The following JAK1 variants were observed in gnomAD, a reference collection of about 807,000 sequenced individuals.
The protein encoded by JAK1 is tyrosine-protein kinase JAK1.
Under a neutral mutation model 136.6 loss-of-function variants are expected in JAK1, and 16 were observed. The ratio of observed to expected loss-of-function variants is 0.12; its 90% CI spans 0.08 to 0.18. JAK1 has a LOEUF of 0.18. JAK1 is among the 10% of genes least tolerant of loss of function. The probability of loss-of-function intolerance (pLI) is 1.00; values close to 1 mark genes in which losing one functional copy is unlikely to be tolerated. For missense variants in JAK1, 859 were observed against 1,450.1 expected (o/e 0.59, Z 6.62); for synonymous variants, 492 against 519.5 (o/e 0.95, Z 0.72).
intron 1 of JAK1, among the ~76,000 whole-genome samples, chr1:64,899,327 T>C (rs933671413): frequency 1.3e-5 from 2 of 152,238 alleles, no homozygotes; most frequent in African/African-American, 4.8e-5. Context: ...GTCAGTAAAG[T>C]TGGTGTTATA....
intron 2 of JAK1, among the ~76,000 whole-genome samples, chr1:64,998,915 T>C (rs1277883868): frequency 6.6e-6 from 1 of 152,230 alleles, no homozygotes; most frequent in Non-Finnish European, 1.5e-5. Flanking sequence ...ATCAGCCACG[T>C]GAAAATGGAC....
chr1:64,917,675 G>C (rs536825592), intron 1 of JAK1, among the ~76,000 whole-genome samples: 2 of 152,250 alleles, frequency 1.3e-5, no homozygotes, highest in Admixed American at 1.3e-4. Flanking sequence ...TTCCCCTGCT[G>C]TGTCCTGCTG....
chr1:64,878,911 C>A, intron 4 of JAK1, 114 bp downstream of exon 4: 2 of 1,028,384 alleles, frequency 1.9e-6, no homozygotes, highest in Admixed American at 3.3e-5. Flanking sequence ...ACAAAAGTTA[C>A]AAATTACAAA....
At chr1:64,916,693 C>T (rs1312630674) in intron 1 of JAK1, among the ~76,000 whole-genome samples, 1 of 151,836 alleles carries the variant, frequency 6.6e-6, no homozygotes, top group African/African-American at 2.4e-5. Flanking sequence ...CAAAAATTAG[C>T]CAGGTGTGGT....
At chr1:64,924,684 C>T (rs1042575907) in intron 1 of JAK1, among the ~76,000 whole-genome samples, 3 of 152,188 alleles carry the variant, frequency 2.0e-5, no homozygotes, top group African/African-American at 7.2e-5. Context: ...AACAGAAAAA[C>T]AGAATCAGTA....
chr1:65,024,473 C>T (rs1482573822), intron 2 of JAK1, among the ~76,000 whole-genome samples: 1 of 151,766 alleles, frequency 6.6e-6, no homozygotes, highest in Non-Finnish European at 1.5e-5. Context: ...TTGTTGAGTC[C>T]TAATTGATTC....
chr1:64,947,237 T>A (rs565433943), intron 1 of JAK1, among the ~76,000 whole-genome samples: 53 of 151,452 alleles, frequency 3.5e-4, no homozygotes, highest in East Asian at 4.1e-4. Context: ...TTAAAAAAAA[T>A]TTTTTAACTG....
chr1:64,920,360 C>T (rs1334906570), intron 1 of JAK1, among the ~76,000 whole-genome samples: 1 of 151,892 alleles, frequency 6.6e-6, no homozygotes, highest in Admixed American at 6.6e-5. Flanking sequence ...GGCAACATGG[C>T]GAGACCTCAT....
intron 2 of JAK1, among the ~76,000 whole-genome samples, chr1:65,042,474 T>C (rs74406362): frequency 1.3e-5 from 2 of 151,816 alleles, no homozygotes; most frequent in African/African-American, 4.8e-5. Flanking sequence ...CAGTTGCTCA[T>C]ACACAAAAAG....
intron 1 of JAK1, among the ~76,000 whole-genome samples, chr1:65,053,030 CAAAAAAAAAAAA>C (rs780968006): frequency 1.6e-4 from 7 of 43,716 alleles, no homozygotes; most frequent in African/African-American, 6.0e-4. Context: ...ACTCTTGTCT[CAAAAAAAAAAAA>C]AAAAAAAAAA....
intron 1 of JAK1, among the ~76,000 whole-genome samples, chr1:64,901,431 G>A (rs1645103569): frequency 6.6e-6 from 1 of 152,118 alleles, no homozygotes; most frequent in Non-Finnish European, 1.5e-5. Flanking sequence ...CTTTCTAATG[G>A]AACACCATGC....
In JAK1 at chr1:64,837,849, C is replaced by T. The variant is rs144803233; in HGVS notation, c.3140+83G>A. 4.9e-4 allele frequency: 586 copies of T among 1,183,976 alleles called. 1 individual carries two copies. The highest frequency in any genetic ancestry group is 6.4e-4 in the Non-Finnish European group (532 of 829,818). 73.3% of individuals were successfully genotyped at this position (1,183,976 alleles called of 1,614,324 possible). A position where few individuals can be genotyped will look rare whatever the true frequency, so the allele number is the denominator to read the frequency against. On this transcript the variant is annotated intron_variant, in intron 22 of 24. Transcript: ENST00000342505. ...TGAGTCAGGCCAGAGGAATGAGACA[C>T]ATTAATATAGCCAGAAAGGGCCTAT...
Position 64,984,612 on chromosome 1 carries a change from A to G in JAK1, c.-78+59868T>C. On this transcript the variant is annotated intron_variant, in intron 2 of 25. Coordinates refer to the JAK1 transcript ENST00000671954. This position sits in a 1 kb window ranked among gnomAD's most constrained non-coding sequence, Gnocchi z 4.1. ...AGGTTGAAGGAGGCATGATTTAGAC[A>G]TTGGTGGTGGTCTCCTTAGCAGGCT... is the stretch of plus-strand genomic sequence containing the variant. 2.3e-6 allele frequency: 1 copy of G among 439,730 alleles called. No homozygotes were observed. The highest frequency in any genetic ancestry group is 2.6e-5 in the South Asian group (1 of 39,150). 27.2% of individuals were successfully genotyped at this position (439,730 alleles called of 1,614,324 possible). A position where few individuals can be genotyped will look rare whatever the true frequency, so the allele number is the denominator to read the frequency against.
At chr1:64,936,895 G>T (rs777515029) in intron 1 of JAK1, among the ~76,000 whole-genome samples, 14 of 151,978 alleles carry the variant, frequency 9.2e-5, no homozygotes, top group Non-Finnish European at 1.8e-4. Context: ...GCCAATATTT[G>T]ACCATTTTTA....
chr1:64,841,686 C>T, intron 17 of JAK1, 85 bp from the exon 18 acceptor site: 1 of 1,377,242 alleles, frequency 7.3e-7, no homozygotes, highest in South Asian at 1.2e-5. Context: ...TTGCCAATTC[C>T]TCATTCGATT....
chr1:65,035,329 ATTCTT>A (rs1647063619), intron 2 of JAK1, among the ~76,000 whole-genome samples: 1 of 152,156 alleles, frequency 6.6e-6, no homozygotes, highest in African/African-American at 2.4e-5. Flanking sequence ...TAGTCAGAGA[ATTCTT>A]CTCTTCCTTC....
intron 22 of JAK1, among the ~76,000 whole-genome samples, chr1:64,836,981 A>T (rs1024265305): frequency 2.6e-5 from 4 of 152,112 alleles, no homozygotes. Context: ...CTATTCCATG[A>T]TCTGACCTCA....
chr1:64,928,782 A>AAAAAAAAC (rs1557699342), intron 1 of JAK1, among the ~76,000 whole-genome samples: 2 of 119,402 alleles, frequency 1.7e-5, no homozygotes, highest in African/African-American at 3.9e-5. Flanking sequence ...ACTCTGCAAA[A>AAAAAAAAC]AAAAAAAAAA....
At chr1:65,066,312 G>A (rs1313645106) in intron 1 of JAK1, among the ~76,000 whole-genome samples, 1 of 152,132 alleles carries the variant, frequency 6.6e-6, no homozygotes, top group East Asian at 1.9e-4. Context: ...ACCTGGACCA[G>A]CACAAATTAC....
Sources: allele counts gnomAD v4.1 joint callset (sites outside exome capture counted in the v4.1 genomes callset), GRCh38; gene constraint gnomAD v4.1.1; non-coding constraint Gnocchi (gnomAD v3.1); transcripts MANE v1.5; gene names NCBI Gene and HGNC (gene_info 2026-07-23, HGNC 2026-07-21).